Variants in ATG16L1 observed in about 807,000 individuals in gnomAD.
ATG16L1 encodes autophagy-related protein 16-1.
A neutral mutation model predicts 88.5 loss-of-function variants in ATG16L1; 37 were observed. The observed-to-expected ratio is 0.42, with a 90% CI of 0.32 to 0.55. The LOEUF (loss-of-function observed/expected upper bound fraction) is 0.55. Ranked by LOEUF, ATG16L1 falls within the 20% of genes least tolerant of loss-of-function variation. The pLI is 0.13. For synonymous variants in ATG16L1, 301 were observed against 281.0 expected (o/e 1.07, Z -0.71); for missense variants, 554 against 752.8 (o/e 0.74, Z 3.09).
intron 2 of ATG16L1, among the ~76,000 whole-genome samples, chr2:233,258,758 A>G (rs542207859): frequency 1.3e-5 from 2 of 152,116 alleles, no homozygotes; most frequent in African/African-American, 2.4e-5. Context: ...GTGCAGTGGC[A>G]TGATCATGGC....
intron 12 of ATG16L1, among the ~76,000 whole-genome samples, chr2:233,286,203 T>C (rs887069006): frequency 1.1e-4 from 16 of 152,148 alleles, no homozygotes; most frequent in African/African-American, 3.6e-4. Flanking sequence ...CATGATTAAG[T>C]TGTTACCTGA....
intron 4 of ATG16L1, 95 bp downstream of exon 4, chr2:233,264,160 G>T (rs1697406435): frequency 1.6e-6 from 2 of 1,216,508 alleles, no homozygotes; most frequent in Non-Finnish European, 2.4e-6. Context: ...GGCAGTGAGT[G>T]GCCACAGTGC....
chr2:233,274,122 A>G (rs1698182832), intron 8 of ATG16L1: 2 of 1,375,340 alleles, frequency 1.5e-6, no homozygotes. Flanking sequence ...CACTGCCCTC[A>G]GTCATCAGAT....
At chr2:233,286,782 C>T (rs1361781685) in intron 12 of ATG16L1, among the ~76,000 whole-genome samples, 1 of 151,714 alleles carries the variant, frequency 6.6e-6, no homozygotes, top group African/African-American at 2.4e-5. Flanking sequence ...CCCGCCACCA[C>T]GTCCAGCTAA....
intron 2 of ATG16L1, among the ~76,000 whole-genome samples, chr2:233,261,489 G>T (rs1245866350): frequency 6.6e-6 from 1 of 152,098 alleles, no homozygotes; most frequent in South Asian, 2.1e-4. Flanking sequence ...TTACTTCTTG[G>T]GTTAAGATTG....
At chr2:233,258,019 ATCTATATATC>A (rs1559377538) in intron 2 of ATG16L1, among the ~76,000 whole-genome samples, 1 of 138,258 alleles carries the variant, frequency 7.2e-6, no homozygotes, top group South Asian at 2.3e-4. Context: ...AAAAAAAAAT[ATCTATATATC>A]TATATATCTA....
rs35609673 is a variant in ATG16L1, at chr2:233,294,932, TC to T, written c.*587del. On this transcript the variant is annotated 3_prime_UTR_variant, in exon 18 of 18. Coordinates refer to ENST00000392017, the MANE Select transcript of ATG16L1 (RefSeq NM_030803.7). ...TTCTTCAGAGCTTTCTGGCTCTCTTTCCCCCACAAAATTCGACATATTTAAA... is the reference window on the plus strand; with the variant it reads ...TTCTTCAGAGCTTTCTGGCTCTCTTTCCCCACAAAATTCGACATATTTAAA... The T allele has an allele frequency of 0.4, 61,002 of 152,262 alleles. 13,096 individuals are homozygous for T. Among genetic ancestry groups the T allele is most frequent in the South Asian group, 0.51 (2,433 of 4,810 alleles). 9.4% of individuals were successfully genotyped at this position (152,262 alleles called of 1,614,324 possible). A position where few individuals can be genotyped will look rare whatever the true frequency, so the allele number is the denominator to read the frequency against.
intron 2 of ATG16L1, among the ~76,000 whole-genome samples, chr2:233,257,884 A>G (rs953866083): frequency 3.3e-5 from 5 of 152,080 alleles, no homozygotes; most frequent in Non-Finnish European, 1.5e-5. Flanking sequence ...GGGCGCCTGT[A>G]ATCCCAGCTA....
At chr2:233,293,196 A>C (rs780193591) in intron 16 of ATG16L1, 60 bp from the exon 17 acceptor site, 17 of 1,418,548 alleles carry the variant, frequency 1.2e-5, no homozygotes, top group African/African-American at 2.8e-5. Context: ...AAAAGGCCAC[A>C]GAGATGCTGA....
chr2:233,255,487 T>G (rs1696715708), intron 1 of ATG16L1, among the ~76,000 whole-genome samples: 1 of 152,240 alleles, frequency 6.6e-6, no homozygotes. Flanking sequence ...TCTGTTAGCG[T>G]AACGGCCTGC....
At chr2:233,273,408 T>G (rs754094987) in intron 7 of ATG16L1, 55 of 503,954 alleles carry the variant, frequency 1.1e-4, no homozygotes, top group Non-Finnish European at 1.6e-4. Context: ...GAGTGGGGAT[T>G]GGTTACTAAC....
intron 8 of ATG16L1, 67 bp from the exon 9 acceptor site, chr2:233,274,609 C>T: frequency 7.7e-7 from 1 of 1,290,388 alleles, no homozygotes; most frequent in East Asian, 2.4e-5. Flanking sequence ...GGAGTCCTTT[C>T]TAACAATTTG....
intron 6 of ATG16L1, 110 bp downstream of exon 6, chr2:233,270,177 C>G (rs1697897219): frequency 4.0e-6 from 4 of 989,254 alleles, no homozygotes; most frequent in East Asian, 2.8e-5. Context: ...GGGTCTTGCT[C>G]TGTTGCCCAG....
chr2:233,289,735 G>A lies in ATG16L1; in HGVS notation c.1204-119G>A. 4 of 1,354,964 alleles carry A rather than the reference G, an allele frequency of 3.0e-6. No individual in the cohort carries two copies. The South Asian group carries it at 5.0e-5, about 17-fold the overall frequency. The allele number at this position is 1,354,964 out of a possible 1,614,324, so 83.9% of individuals were successfully genotyped here. A position where few individuals can be genotyped will look rare whatever the true frequency, so the allele number is the denominator to read the frequency against. ...TGTCTTATCGCTTTGAGTGTTCCTG[G>A]CCGGATCTCAGGGTGGTCTGACACT... is the stretch of plus-strand genomic sequence containing the variant. On this transcript the variant is annotated intron_variant, in intron 12 of 17. Transcript: ENST00000392017.
At chr2:233,288,135 T>A (rs749822930) in intron 12 of ATG16L1, among the ~76,000 whole-genome samples, 2 of 152,258 alleles carry the variant, frequency 1.3e-5, no homozygotes, top group Non-Finnish European at 2.9e-5. Context: ...GAATGTGGGA[T>A]AAGGCAGTCT....
intron 12 of ATG16L1, among the ~76,000 whole-genome samples, chr2:233,289,291 A>G (rs1413726098): frequency 1.3e-5 from 2 of 151,924 alleles, no homozygotes; most frequent in Non-Finnish European, 2.9e-5. Context: ...ACCTTTGGCC[A>G]ACACTCAAAG....
intron 5 of ATG16L1, 50 bp downstream of exon 5, chr2:233,265,193 C>G (rs753594675): frequency 6.3e-7 from 1 of 1,581,362 alleles, no homozygotes; most frequent in South Asian, 1.2e-5. Context: ...TAGAGTAGAA[C>G]CTAGGTCTTT....
Position 233,277,424 on chromosome 2 carries a change from T to G in ATG16L1, c.955-144T>G. 3 of 660,056 alleles carry G rather than the reference T, an allele frequency of 4.5e-6. 1 individual carries two copies. In the South Asian group the frequency reaches 5.4e-5, roughly 12 times the overall value. 40.9% of individuals were successfully genotyped at this position (660,056 alleles called of 1,614,324 possible). A position where few individuals can be genotyped will look rare whatever the true frequency, so the allele number is the denominator to read the frequency against. ...TAATAGAATCTTAGTTGACCTGGGC[T>G]AGGAGTCCAGTTTAGTTTATGATTG... On this transcript the variant is annotated intron_variant, in intron 9 of 17. Coordinates refer to ENST00000392017, the MANE Select transcript of ATG16L1 (RefSeq NM_030803.7).
chr2:233,289,362 C>T (rs867162829), intron 12 of ATG16L1, among the ~76,000 whole-genome samples: 8 of 94,194 alleles, frequency 8.5e-5, no homozygotes, highest in African/African-American at 2.6e-4. Flanking sequence ...ATTGTTGCTT[C>T]TTGTCCTGTT....
Sources: gnomAD v4.1 joint callset for allele counts (sites outside exome capture counted in the v4.1 genomes callset) on GRCh38, gnomAD v4.1.1 for gene constraint, MANE v1.5 for transcripts, NCBI Gene and HGNC (gene_info 2026-07-23, HGNC 2026-07-21) for gene names.